FBXO4: variants seen among roughly 807,000 people sequenced by gnomAD.
FBXO4 encodes F-box protein 4, also known as F-box only protein 4.
In FBXO4, 36 loss-of-function variants were observed where a neutral mutation model predicts 43.7. The ratio of observed to expected loss-of-function variants is 0.82; its 90% CI spans 0.63 to 1.09. The LOEUF (loss-of-function observed/expected upper bound fraction) is 1.09. Among genes scored for constraint, FBXO4 ranks in the 50% least tolerant of loss-of-function variants. The pLI, the probability that FBXO4 is intolerant of heterozygous loss-of-function variation, is 0.00. For missense variants in FBXO4, 435 were observed against 474.1 expected, an observed-to-expected ratio of 0.92 and a Z score of 0.77; for synonymous variants, 180 against 165.6, an observed-to-expected ratio of 1.09 and a Z score of -0.67.
chr5:42,022,223 A>AT, the FBXO4 span, among the ~76,000 whole-genome samples: 2 of 152,138 alleles, frequency 1.3e-5, no homozygotes, highest in Admixed American at 1.3e-4. Context: ...ACCCACTGGA[A>AT]TTTCTAAGCA....
chr5:41,974,859 G>A, the FBXO4 span, among the ~76,000 whole-genome samples: 1 of 151,996 alleles, frequency 6.6e-6, no homozygotes, highest in Non-Finnish European at 1.5e-5. Context: ...TTAAATACTA[G>A]TCATGTTACG....
chr5:42,007,361 A>G, the FBXO4 span, among the ~76,000 whole-genome samples: 1 of 152,104 alleles, frequency 6.6e-6, no homozygotes, highest in Non-Finnish European at 1.5e-5. Context: ...TTTGAGATGT[A>G]AAGATCTGCA....
At chr5:41,971,482 G>A in the FBXO4 span, among the ~76,000 whole-genome samples, 1 of 151,888 alleles carries the variant, frequency 6.6e-6, no homozygotes, top group Non-Finnish European at 1.5e-5. Flanking sequence ...ATTAAGATAT[G>A]AAAGAAAAAT....
chr5:41,988,119 G>T, the FBXO4 span, among the ~76,000 whole-genome samples: 96 of 152,034 alleles, frequency 6.3e-4, no homozygotes, highest in South Asian at 4.1e-3. Flanking sequence ...GGTAACATGT[G>T]GGGGGGAGAG....
chr5:41,939,966 C>T (rs1751962256), intron 6 of FBXO4, among the ~76,000 whole-genome samples: 1 of 150,142 alleles, frequency 6.7e-6, no homozygotes, highest in South Asian at 2.1e-4. Flanking sequence ...CCCTCCACCT[C>T]AGCCTCCCAG....
the FBXO4 span, among the ~76,000 whole-genome samples, chr5:42,025,864 T>G: frequency 2.0e-5 from 3 of 151,996 alleles, no homozygotes; most frequent in African/African-American, 4.8e-5. Flanking sequence ...TGTGCAGGTT[T>G]ATTTCTGGCT....
At chr5:42,006,202 A>T in the FBXO4 span, among the ~76,000 whole-genome samples, 1 of 152,148 alleles carries the variant, frequency 6.6e-6, no homozygotes, top group Non-Finnish European at 1.5e-5. Context: ...TCATCTCACT[A>T]GTCAAGAAAT....
At chr5:41,991,365 C>A in the FBXO4 span, among the ~76,000 whole-genome samples, 2 of 152,158 alleles carry the variant, frequency 1.3e-5, no homozygotes, top group Non-Finnish European at 2.9e-5. Context: ...TACTCCTAAC[C>A]TAAAACTAGG....
At chr5:42,013,790 CT>C in the FBXO4 span, among the ~76,000 whole-genome samples, 1 of 152,210 alleles carries the variant, frequency 6.6e-6, no homozygotes, top group Non-Finnish European at 1.5e-5. Flanking sequence ...TCTTTGCCAG[CT>C]TTTTCTCAGA....
At chr5:41,981,003 T>C in the FBXO4 span, among the ~76,000 whole-genome samples, 1 of 152,082 alleles carries the variant, frequency 6.6e-6, no homozygotes, top group Non-Finnish European at 1.5e-5. Flanking sequence ...TCTATACAGT[T>C]TCAAATACTA....
the FBXO4 span, among the ~76,000 whole-genome samples, chr5:41,989,751 GCTTCCCCTATCATCTGCTC>G: frequency 3.3e-5 from 5 of 152,146 alleles, no homozygotes; most frequent in African/African-American, 7.2e-5. Context: ...GCTCCCCATT[GCTTCCCCTATCATCTGCTC>G]CTTATTCATC....
At chr5:41,996,846 T>C in the FBXO4 span, among the ~76,000 whole-genome samples, 1 of 152,222 alleles carries the variant, frequency 6.6e-6, no homozygotes, top group Non-Finnish European at 1.5e-5. Flanking sequence ...CCCCTGAATT[T>C]TAGTCAGATT....
chr5:42,038,415 A>T, the FBXO4 span, among the ~76,000 whole-genome samples: 8 of 152,134 alleles, frequency 5.3e-5, no homozygotes, highest in South Asian at 2.1e-4. Context: ...ATGATATTCT[A>T]CTACCAGCCA....
the FBXO4 span, among the ~76,000 whole-genome samples, chr5:42,014,145 T>A: frequency 3.3e-5 from 5 of 152,150 alleles, no homozygotes; most frequent in African/African-American, 1.2e-4. Context: ...CTTCCCCATA[T>A]CACTCCTACC....
the FBXO4 span, among the ~76,000 whole-genome samples, chr5:41,974,850 T>A: frequency 6.6e-6 from 1 of 152,212 alleles, no homozygotes; most frequent in Non-Finnish European, 1.5e-5. Flanking sequence ...CATTTTTTGT[T>A]AAATACTAGT....
At chr5:41,967,732 T>A in the FBXO4 span, 1 of 621,028 alleles carries the variant, frequency 1.6e-6, no homozygotes, top group African/African-American at 1.8e-5. Context: ...GCCATCAACA[T>A]CCTTATCTGG....
chr5:42,026,749 T>G, the FBXO4 span, among the ~76,000 whole-genome samples: 3 of 151,400 alleles, frequency 2.0e-5, no homozygotes, highest in Non-Finnish European at 3.0e-5. Flanking sequence ...CACCCAGTTT[T>G]TTATAAAAGG....
At chr5:41,930,877 C>G (rs181311677) in intron 3 of FBXO4, among the ~76,000 whole-genome samples, 1 of 152,060 alleles carries the variant, frequency 6.6e-6, no homozygotes, top group Non-Finnish European at 1.5e-5. Context: ...AGGATGGTCT[C>G]GATCTCATGA....
the FBXO4 span, among the ~76,000 whole-genome samples, chr5:41,993,313 G>GAT: frequency 6.6e-6 from 1 of 151,890 alleles, no homozygotes; most frequent in African/African-American, 2.4e-5. Context: ...CAGATTTATT[G>GAT]ATATATATTT....
Sources: allele counts gnomAD v4.1 joint callset (sites outside exome capture counted in the v4.1 genomes callset), GRCh38; gene constraint gnomAD v4.1.1; transcripts MANE v1.5; gene names NCBI Gene and HGNC (gene_info 2026-07-23, HGNC 2026-07-21).